CDC42BPA: variants seen among roughly 807,000 people sequenced by gnomAD.
CDC42BPA encodes serine/threonine-protein kinase MRCK alpha.
Under a neutral mutation model 223.5 loss-of-function variants are expected in CDC42BPA, and 80 were observed. That is an observed-to-expected ratio of 0.36 (90% CI 0.30 to 0.43). The LOEUF (loss-of-function observed/expected upper bound fraction) is 0.43, where lower values mean the gene tolerates loss of function less well. Ranked by LOEUF, CDC42BPA falls within the 20% of genes least tolerant of loss-of-function variation. CDC42BPA has a pLI of 1.00. For synonymous variants in CDC42BPA, 694 were observed against 718.6 expected (o/e 0.97, Z 0.55); for missense variants, 1,743 against 2,099.9 (o/e 0.83, Z 3.32).
chr1:227,100,777 T>TGTGTGTGTGTGCGCGC (rs777124731), intron 15 of CDC42BPA, among the ~76,000 whole-genome samples: 5 of 128,510 alleles, frequency 3.9e-5, no homozygotes, highest in African/African-American at 1.4e-4. Context: ...TGTGTGTGTG[T>TGTGTGTGTGTGCGCGC]GCGTGTGCCA....
intron 35 of CDC42BPA, 81 bp from the exon 36 acceptor site, chr1:226,995,061 A>T: frequency 7.6e-7 from 1 of 1,320,368 alleles, no homozygotes; most frequent in Non-Finnish European, 1.1e-6. Context: ...CTGAGCTGAC[A>T]GGCCATCCTT....
intron 15 of CDC42BPA, among the ~76,000 whole-genome samples, chr1:227,093,254 T>C (rs1056026887): frequency 6.6e-6 from 1 of 152,210 alleles, no homozygotes; most frequent in Admixed American, 6.5e-5. Context: ...CATTTTTGGC[T>C]GGAATACCAC....
intron 16 of CDC42BPA, among the ~76,000 whole-genome samples, chr1:227,088,388 T>C (rs543027495): frequency 2.6e-5 from 4 of 152,210 alleles, no homozygotes; most frequent in East Asian, 1.9e-4. Flanking sequence ...GAAGACTACA[T>C]AGGAATACGA....
intron 16 of CDC42BPA, among the ~76,000 whole-genome samples, chr1:227,082,527 A>T (rs1680909383): frequency 6.6e-6 from 1 of 151,756 alleles, no homozygotes; most frequent in Non-Finnish European, 1.5e-5. Flanking sequence ...ATCCTAGGTA[A>T]CACAGTGAAA....
At chr1:227,218,460 G>A (rs1332744757) in intron 2 of CDC42BPA, among the ~76,000 whole-genome samples, 4 of 152,088 alleles carry the variant, frequency 2.6e-5, no homozygotes, top group Admixed American at 2.0e-4. Flanking sequence ...CTAGCACTGG[G>A]CTAAGCATAT....
chr1:227,296,697 C>T (rs1690692736), intron 1 of CDC42BPA, among the ~76,000 whole-genome samples: 1 of 139,880 alleles, frequency 7.1e-6, no homozygotes, highest in Non-Finnish European at 1.5e-5. Flanking sequence ...CAGAGAGAGA[C>T]TCTCCCCACA....
rs748728793 is a variant in CDC42BPA at position 227,028,946 on chromosome 1, T to G, written c.4143A>C (p.Pro1381=). 6.2e-7 allele frequency: 1 copy of G among 1,614,154 alleles called. No individual in the cohort carries two copies. Among genetic ancestry groups the G allele is most frequent in the Non-Finnish European group, 8.5e-7 (1 of 1,180,006 alleles). ...RHRKFKEIQV[P]YNVQWMAIFS... is the part of the protein sequence containing the mutation. ...AGATTGCCATCCACTGGACATTATA[T>G]GGGACTTGAATTTCTTTAAATTTTC... Residue 1381 remains proline, a synonymous_variant, in exon 30 of 37, where the codon CCA becomes CCC. Transcript: ENST00000366766.
intron 16 of CDC42BPA, among the ~76,000 whole-genome samples, chr1:227,089,235 G>A (rs1682586131): frequency 6.6e-6 from 1 of 152,138 alleles, no homozygotes; most frequent in African/African-American, 2.4e-5. Context: ...TCTTCAAGCT[G>A]GTTCCCAATG....
chr1:227,133,977 A>AAATG (rs918909312), intron 10 of CDC42BPA, among the ~76,000 whole-genome samples: 2 of 150,732 alleles, frequency 1.3e-5, no homozygotes, highest in African/African-American at 4.9e-5. Context: ...ATAAATGAAT[A>AAATG]AATAAATAAA....
intron 1 of CDC42BPA, among the ~76,000 whole-genome samples, chr1:227,286,920 A>G (rs1688905000): frequency 6.6e-6 from 1 of 152,158 alleles, no homozygotes; most frequent in African/African-American, 2.4e-5. Flanking sequence ...GTGGGGAGGT[A>G]TCAGGCTCTT....
intron 32 of CDC42BPA, among the ~76,000 whole-genome samples, chr1:227,017,326 C>A (rs1370056724): frequency 6.6e-6 from 1 of 152,062 alleles, no homozygotes; most frequent in African/African-American, 2.4e-5. Context: ...ACTGCAGTTG[C>A]CTTGGTGTTC....
intron 21 of CDC42BPA, among the ~76,000 whole-genome samples, chr1:227,054,786 G>A (rs1266963241): frequency 6.6e-6 from 1 of 151,840 alleles, no homozygotes; most frequent in African/African-American, 2.4e-5. Context: ...GGTAAAAGGT[G>A]GTTATTCAGA....
At chr1:227,060,048 T>C (rs1159579923) in intron 21 of CDC42BPA, among the ~76,000 whole-genome samples, 1 of 147,306 alleles carries the variant, frequency 6.8e-6, no homozygotes, top group Non-Finnish European at 1.5e-5. Context: ...TTTTTTTTTT[T>C]GAGACGGGAG....
intron 2 of CDC42BPA, chr1:227,234,985 T>C (rs1419518671): frequency 2.0e-5 from 3 of 152,228 alleles, no homozygotes; most frequent in Non-Finnish European, 2.9e-5. Flanking sequence ...GACAATTCTT[T>C]TTCCAATGTG....
intron 5 of CDC42BPA, among the ~76,000 whole-genome samples, chr1:227,185,107 A>G (rs1668539975): frequency 6.6e-6 from 1 of 152,156 alleles, no homozygotes; most frequent in Admixed American, 6.6e-5. Context: ...TAGTCATTTA[A>G]CACTTTAATT....
Position 227,053,133 on chromosome 1 carries a change from GA to G in CDC42BPA, c.2905-1149del, listed in dbSNP as rs551320404. 4.6e-5 allele frequency among the ~76,000 whole-genome samples: 7 copies of G among 152,252 alleles called. No individual in the cohort carries two copies. The East Asian group carries it at 1.4e-3, about 29-fold the overall frequency. ...GCACAAATTGTTTTCTCAAGTTGGGGATATTTTCCTATTGATAATTAATGTA... is the reference window on the plus strand; with the variant it reads ...GCACAAATTGTTTTCTCAAGTTGGGGTATTTTCCTATTGATAATTAATGTA... On this transcript the variant is annotated intron_variant, in intron 21 of 36. Coordinates refer to ENST00000366766, the MANE Select transcript of CDC42BPA (RefSeq NM_001394014.1).
intron 11 of CDC42BPA, among the ~76,000 whole-genome samples, chr1:227,120,600 C>T (rs574462952): frequency 6.6e-6 from 1 of 152,276 alleles, no homozygotes; most frequent in South Asian, 2.1e-4. Context: ...TAATGTTTAA[C>T]ATTCTCAGAT....
At chr1:226,996,870 T>G (rs1661721700) in intron 35 of CDC42BPA, among the ~76,000 whole-genome samples, 1 of 152,238 alleles carries the variant, frequency 6.6e-6, no homozygotes, top group South Asian at 2.1e-4. Flanking sequence ...AGTATTTAAT[T>G]GAGGATTTTC....
intron 9 of CDC42BPA, among the ~76,000 whole-genome samples, chr1:227,141,379 A>G (rs971401671): frequency 1.3e-5 from 2 of 152,234 alleles, no homozygotes; most frequent in African/African-American, 4.8e-5. Flanking sequence ...GATAGAAATG[A>G]TCTGATGATG....
Sources: gnomAD v4.1 joint callset for allele counts (sites outside exome capture counted in the v4.1 genomes callset) on GRCh38, gnomAD v4.1.1 for gene constraint, MANE v1.5 for transcripts, NCBI Gene and HGNC (gene_info 2026-07-23, HGNC 2026-07-21) for gene names.